The following SEPTIN9 variants were observed in gnomAD, a reference collection of about 807,000 sequenced individuals.
SEPTIN9 encodes the protein septin-9.
In SEPTIN9, 13 loss-of-function variants were observed where a neutral mutation model predicts 56.6. That is an observed-to-expected ratio of 0.23 (90% CI 0.15 to 0.37). The LOEUF is 0.37. SEPTIN9 is among the 10% of genes least tolerant of loss of function. The probability of loss-of-function intolerance (pLI) is 1.00; values close to 1 mark genes in which losing one functional copy is unlikely to be tolerated. For synonymous variants in SEPTIN9, 332 were observed against 334.1 expected (o/e 0.99, Z 0.07); for missense variants, 650 against 823.1 (o/e 0.79, Z 2.57).
At chr17:77,466,674 C>T (rs2038747565) in intron 3 of SEPTIN9, 1 of 676,248 alleles carries the variant, frequency 1.5e-6, no homozygotes, top group Non-Finnish European at 1.8e-6. Flanking sequence ...TGTGGGAGAC[C>T]CTGGGGGCTC....
chr17:77,292,725 C>T (rs2031622637), intron 1 of SEPTIN9, among the ~76,000 whole-genome samples: 1 of 152,084 alleles, frequency 6.6e-6, no homozygotes, highest in African/African-American at 2.4e-5. Flanking sequence ...AACTCTTGAC[C>T]TCAGGTGATA....
intron 2 of SEPTIN9, among the ~76,000 whole-genome samples, chr17:77,365,265 C>T (rs2034538309): frequency 6.6e-6 from 1 of 152,156 alleles, no homozygotes; most frequent in Non-Finnish European, 1.5e-5. Flanking sequence ...GTATTTTGCT[C>T]CCTTATTGAG....
At chr17:77,373,421 A>C in intron 2 of SEPTIN9, 1 of 1,317,578 alleles carries the variant, frequency 7.6e-7, no homozygotes, top group Non-Finnish European at 9.7e-7. Flanking sequence ...CGCCCCAGCC[A>C]GCGCGCAGGG....
At chr17:77,344,231 C>G (rs903376213) in intron 2 of SEPTIN9, among the ~76,000 whole-genome samples, 1 of 151,924 alleles carries the variant, frequency 6.6e-6, no homozygotes, top group Non-Finnish European at 1.5e-5. Context: ...AGAAGACATA[C>G]CAATGGCCAA....
intron 2 of SEPTIN9, chr17:77,373,454 T>C (rs775516492): frequency 1.3e-6 from 2 of 1,493,636 alleles, no homozygotes; most frequent in South Asian, 1.3e-5. Flanking sequence ...CGGGGGCGCT[T>C]CCTCGCCGCT....
At chr17:77,409,532 C>A (rs1398542166) in intron 3 of SEPTIN9, among the ~76,000 whole-genome samples, 2 of 152,198 alleles carry the variant, frequency 1.3e-5, no homozygotes, top group Non-Finnish European at 1.5e-5. Context: ...AGGAGGCAGG[C>A]GCTGGGGGCG....
At position 77,298,181 on chromosome 17, in the gene SEPTIN9, C is replaced by T. The variant is rs146188302; in HGVS notation, c.20-8960C>T. On this transcript the variant is annotated intron_variant, in intron 1 of 11. Transcript: ENST00000427177. Reference sequence around the variant, plus strand: ...TGGCTCATCATATGCCTTCAGTAGGCGGTGAGCATGGCTGTTCTTGTTATT... The same window carrying T: ...TGGCTCATCATATGCCTTCAGTAGGTGGTGAGCATGGCTGTTCTTGTTATT... Among the ~76,000 whole-genome samples, 4 of 152,316 alleles carry T rather than the reference C, an allele frequency of 2.6e-5. No individual in the cohort carries two copies. The East Asian group carries it at 7.7e-4, about 29-fold the overall frequency.
At position 77,429,799 on chromosome 17, in the gene SEPTIN9, G is replaced by A. The variant is rs1480487299; in HGVS notation, c.721+27096G>A. Among the ~76,000 whole-genome samples the A allele has an allele frequency of 6.6e-6, 1 of 152,172 alleles. No homozygotes were observed. The highest frequency in any genetic ancestry group is 1.5e-5 in the Non-Finnish European group (1 of 68,032). Reference sequence around the variant, plus strand: ...GAGCTGAGACTCGGGACCACAGAGGGGTGGGCTGTGCTCAGGGCAACACAG... The same window carrying A: ...GAGCTGAGACTCGGGACCACAGAGGAGTGGGCTGTGCTCAGGGCAACACAG... On this transcript the variant is annotated intron_variant, in intron 3 of 11. Coordinates refer to ENST00000427177, the MANE Select transcript of SEPTIN9 (RefSeq NM_001113491.2). The surrounding 1 kb of genome is among the most constrained non-coding windows in gnomAD (Gnocchi z 5.2).
Position 77,283,728 on chromosome 17 carries a change from C to T in SEPTIN9, c.19+2174C>T, listed in dbSNP as rs73365483. Among the ~76,000 whole-genome samples, 1,232 of 152,246 alleles carry T rather than the reference C, an allele frequency of 8.1e-3. 12 individuals are homozygous for T. The highest frequency in any genetic ancestry group is 0.029 in the African/African-American group (1,184 of 41,536). On this transcript the variant is annotated intron_variant, in intron 1 of 11. Coordinates refer to ENST00000427177, the MANE Select transcript of SEPTIN9 (RefSeq NM_001113491.2). ...TAGACCTGGTTTGAACATTCGTGAG[C>T]CTCTGAAAAGGAGAAAGATTTTAGA...
intron 2 of SEPTIN9, among the ~76,000 whole-genome samples, chr17:77,354,601 G>C (rs974526753): frequency 2.6e-5 from 4 of 152,186 alleles, no homozygotes; most frequent in African/African-American, 9.6e-5. Flanking sequence ...CCGCTGCCGG[G>C]TGGACAGGCC....
chr17:77,358,524 C>T (rs1209339792), intron 2 of SEPTIN9, among the ~76,000 whole-genome samples: 1 of 151,968 alleles, frequency 6.6e-6, no homozygotes, highest in East Asian at 1.9e-4. Context: ...AAGGAGAACC[C>T]AGCTACCCAG....
At chr17:77,384,990 A>G (rs992693675) in intron 2 of SEPTIN9, among the ~76,000 whole-genome samples, 3 of 151,892 alleles carry the variant, frequency 2.0e-5, no homozygotes, top group African/African-American at 7.3e-5. Flanking sequence ...CATTTTGCAA[A>G]TTTTCGGCTT....
intron 3 of SEPTIN9, chr17:77,454,033 TC>T: frequency 1.0e-6 from 1 of 953,390 alleles, no homozygotes; most frequent in Non-Finnish European, 1.2e-6. Context: ...GTTTAGGGCT[TC>T]CGCCCTCTCT....
chr17:77,383,190 C>CTCCCTCCTTCTCTCCCTCCCTCCT (rs56053402), intron 2 of SEPTIN9, among the ~76,000 whole-genome samples: 2 of 147,986 alleles, frequency 1.4e-5, no homozygotes, highest in Non-Finnish European at 3.0e-5. Flanking sequence ...CCTTCTCTCC[C>CTCCCTCCTTCTCTCCCTCCCTCCT]TCCCTCCCTC....
Position 77,407,166 on chromosome 17 carries a change from C to T in SEPTIN9, c.721+4463C>T, listed in dbSNP as rs748567276. On this transcript the variant is annotated intron_variant, in intron 3 of 11. Transcript: ENST00000427177. ...GGCATGATAGCATGCGCTTGTAGTC[C>T]CAGCTACTGGGGAGGTTGAGGTGGG... 1.3e-3 allele frequency among the ~76,000 whole-genome samples: 190 copies of T among 151,506 alleles called. 7 individuals are homozygous for T. The highest frequency in any genetic ancestry group is 1.1e-3 in the Admixed American group (16 of 15,204).
intron 3 of SEPTIN9, chr17:77,472,621 C>G (rs115598788): frequency 3.1e-4 from 47 of 152,342 alleles, no homozygotes; most frequent in African/African-American, 1.1e-3. Flanking sequence ...AGCTCCAGCT[C>G]GGAGAAAAAT....
chr17:77,428,884 T>A (rs1158927532), intron 3 of SEPTIN9: 1 of 410,632 alleles, frequency 2.4e-6, no homozygotes, highest in African/African-American at 2.1e-5. Flanking sequence ...GACTCTGAAT[T>A]TGCCTCATCG....
intron 3 of SEPTIN9, chr17:77,466,361 A>C: frequency 2.0e-6 from 2 of 983,322 alleles, no homozygotes; most frequent in Non-Finnish European, 2.4e-6. Flanking sequence ...CAGCCTTGGG[A>C]GAAATTACCA....
chr17:77,402,183 C>T lies in SEPTIN9; in HGVS notation c.201C>T (p.Gly67=), dbSNP rs61744333. 2.8e-3 allele frequency: 4,539 copies of T among 1,613,790 alleles called. 4 individuals are homozygous for T. The highest frequency in any genetic ancestry group is 3.4e-3 in the Non-Finnish European group (3,960 of 1,179,872). Residue 67 remains glycine, a synonymous_variant, in exon 3 of 12, where the codon GGC becomes GGT. Coordinates refer to ENST00000427177, the MANE Select transcript of SEPTIN9 (RefSeq NM_001113491.2). The surrounding 1 kb of genome is among the most constrained non-coding windows in gnomAD (Gnocchi z 6.6). ...CCACCCAGAAATTCCAGGACCTGGG[C>T]GTGAAGAACTCAGAACCCTCGGCCC... ...ASSTQKFQDL[G]VKNSEPSARH...
Sources: gnomAD v4.1 joint callset for allele counts (sites outside exome capture counted in the v4.1 genomes callset) on GRCh38, gnomAD v4.1.1 for gene constraint, Gnocchi (gnomAD v3.1) non-coding constraint, MANE v1.5 for transcripts, NCBI Gene and HGNC (gene_info 2026-07-23, HGNC 2026-07-21) for gene names.